The following EHBP1 variants were observed in gnomAD, a reference collection of about 807,000 sequenced individuals.
EHBP1 encodes EH domain-binding protein 1.
A neutral mutation model predicts 144.0 loss-of-function variants in EHBP1; 55 were observed. That is an observed-to-expected ratio of 0.38 (90% CI 0.31 to 0.48). The LOEUF is 0.48. EHBP1 is among the 20% of genes least tolerant of loss of function. The probability of loss-of-function intolerance (pLI) is 0.98; values close to 1 mark genes in which losing one functional copy is unlikely to be tolerated. For synonymous variants in EHBP1, 469 were observed against 472.7 expected (o/e 0.99, Z 0.10); for missense variants, 1,200 against 1,364.2 (o/e 0.88, Z 1.90).
chr2:62,933,005 C>T (rs2056123258), intron 10 of EHBP1, among the ~76,000 whole-genome samples: 1 of 146,762 alleles, frequency 6.8e-6, no homozygotes, highest in South Asian at 2.2e-4. Flanking sequence ...TATTTTACTA[C>T]AATAAAAAGA....
intron 2 of EHBP1, among the ~76,000 whole-genome samples, chr2:62,725,113 C>CAGCCCTG (rs1372759762): frequency 6.6e-6 from 1 of 152,302 alleles, no homozygotes; most frequent in East Asian, 1.9e-4. Context: ...GGACTTTTAT[C>CAGCCCTG]AGCCCTGACT....
intron 19 of EHBP1, among the ~76,000 whole-genome samples, chr2:63,004,431 T>C (rs979046801): frequency 2.6e-5 from 4 of 152,042 alleles, no homozygotes; most frequent in East Asian, 1.9e-4. Flanking sequence ...ATCATGATCC[T>C]TTTTTCCCCC....
chr2:62,729,928 C>A (rs1486442209), intron 2 of EHBP1, among the ~76,000 whole-genome samples: 5 of 152,106 alleles, frequency 3.3e-5, no homozygotes, highest in Non-Finnish European at 7.4e-5. Flanking sequence ...TTAATATGTA[C>A]AGACATACCT....
chr2:62,744,214 A>C (rs2038957216), intron 2 of EHBP1, among the ~76,000 whole-genome samples: 1 of 152,114 alleles, frequency 6.6e-6, no homozygotes, highest in Non-Finnish European at 1.5e-5. Flanking sequence ...CCTACTAACT[A>C]AACTGAAGTG....
intron 9 of EHBP1, among the ~76,000 whole-genome samples, chr2:62,872,483 A>C (rs1167179963): frequency 6.6e-6 from 1 of 152,164 alleles, no homozygotes; most frequent in African/African-American, 2.4e-5. Context: ...AAAATATATT[A>C]ATCAGCAAGT....
At chr2:62,708,473 A>G (rs1191240495) in intron 2 of EHBP1, among the ~76,000 whole-genome samples, 3 of 152,260 alleles carry the variant, frequency 2.0e-5, no homozygotes, top group South Asian at 2.1e-4. Context: ...CTGTCTCGAT[A>G]CAGTTGAGTA....
At chr2:62,966,768 A>G (rs1476723196) in intron 14 of EHBP1, among the ~76,000 whole-genome samples, 1 of 152,174 alleles carries the variant, frequency 6.6e-6, no homozygotes, top group Non-Finnish European at 1.5e-5. Flanking sequence ...AATTTAAATG[A>G]TATAATATCC....
intron 19 of EHBP1, among the ~76,000 whole-genome samples, chr2:63,004,841 C>T (rs538815082): frequency 1.2e-4 from 19 of 152,178 alleles, no homozygotes; most frequent in South Asian, 4.1e-4. Flanking sequence ...CAATATGCAT[C>T]AGAATTACCT....
intron 19 of EHBP1, among the ~76,000 whole-genome samples, chr2:63,010,434 T>G (rs1478246641): frequency 6.6e-6 from 1 of 151,484 alleles, no homozygotes; most frequent in Non-Finnish European, 1.5e-5. Flanking sequence ...TAAAACCTAT[T>G]AAAAAAATTA....
chr2:62,988,125 A>G (rs780371598), intron 15 of EHBP1: 11 of 767,314 alleles, frequency 1.4e-5, no homozygotes, highest in Non-Finnish European at 2.4e-5. Context: ...AATAATAATA[A>G]TTTTGTAGTT....
intron 5 of EHBP1, among the ~76,000 whole-genome samples, chr2:62,793,708 A>G (rs962092528): frequency 2.6e-5 from 4 of 152,126 alleles, no homozygotes; most frequent in Non-Finnish European, 5.9e-5. Context: ...TATTTTGTAA[A>G]TAATAGCTCT....
intron 10 of EHBP1, among the ~76,000 whole-genome samples, chr2:62,886,012 G>A (rs78152924): frequency 0.019 from 2,941 of 152,308 alleles, 42 homozygotes; most frequent in Non-Finnish European, 0.029. Context: ...GACTTGAGTA[G>A]ACTACAGAAA....
chr2:63,010,091 GCTAAGAGTCAA>G (rs1311703749), intron 19 of EHBP1, among the ~76,000 whole-genome samples: 1 of 151,368 alleles, frequency 6.6e-6, no homozygotes, highest in Non-Finnish European at 1.5e-5. Context: ...AGCAAGGAAG[GCTAAGAGTCAA>G]CTTTTGAATA....
chr2:63,015,110 T>C (rs1054133109), intron 19 of EHBP1, among the ~76,000 whole-genome samples: 10 of 152,214 alleles, frequency 6.6e-5, no homozygotes, highest in African/African-American at 2.4e-4. Flanking sequence ...TTGCCAGTGT[T>C]TCTCACATTT....
chr2:62,945,642 T>C (rs977659171), intron 12 of EHBP1, among the ~76,000 whole-genome samples: 1 of 151,964 alleles, frequency 6.6e-6, no homozygotes, highest in African/African-American at 2.4e-5. Context: ...CCCAGCTACT[T>C]GGGAGGATGA....
chr2:62,837,214 C>T (rs1205424790), intron 7 of EHBP1, among the ~76,000 whole-genome samples: 1 of 146,020 alleles, frequency 6.8e-6, no homozygotes, highest in African/African-American at 2.5e-5. Context: ...AATTTTCAAC[C>T]CAGAATTTCA....
intron 21 of EHBP1, among the ~76,000 whole-genome samples, chr2:63,040,728 T>A (rs1389744548): frequency 6.6e-6 from 1 of 152,170 alleles, no homozygotes; most frequent in Non-Finnish European, 1.5e-5. Context: ...GAGCAGCCTG[T>A]TGATTACAAA....
In EHBP1 at chr2:62,682,327, A is replaced by G. The variant is rs181437955; in HGVS notation, c.-296+8244A>G. Among the ~76,000 whole-genome samples the G allele has an allele frequency of 8.4e-4, 128 of 152,322 alleles. 1 individual carries two copies. Among genetic ancestry groups the G allele is most frequent in the African/African-American group, 3.0e-3 (125 of 41,570 alleles). On this transcript the variant is annotated intron_variant, in intron 1 of 22. Transcript: ENST00000405015. The stretch of plus-strand genomic sequence containing the variant: ...TGTGTGTCCTTCATTGTCAGTGGGA[A>G]TAGCTACGATTTAAGTGGTGATCGT...
chr2:63,038,903 G>GAT, intron 21 of EHBP1, 87 bp downstream of exon 21: 3 of 1,304,454 alleles, frequency 2.3e-6, no homozygotes, highest in Non-Finnish European at 3.3e-6. Context: ...GGTCTTACTA[G>GAT]ATCTGGTGTA....
Sources: allele counts gnomAD v4.1 joint callset (sites outside exome capture counted in the v4.1 genomes callset), GRCh38; gene constraint gnomAD v4.1.1; transcripts MANE v1.5; gene names NCBI Gene and HGNC (gene_info 2026-07-23, HGNC 2026-07-21).